Variants in SMAP1 observed in about 807,000 individuals in gnomAD.
The protein encoded by SMAP1 is stromal membrane-associated protein 1.
A neutral mutation model predicts 58.5 loss-of-function variants in SMAP1; 24 were observed. The ratio of observed to expected loss-of-function variants is 0.41; its 90% CI spans 0.30 to 0.58. The LOEUF (loss-of-function observed/expected upper bound fraction) is 0.58, where lower values mean the gene tolerates loss of function less well. Among genes scored for constraint, SMAP1 ranks in the 20% least tolerant of loss-of-function variants. The pLI is 0.29. For synonymous variants in SMAP1, 216 were observed against 196.6 expected, an observed-to-expected ratio of 1.10 and a Z score of -0.82; for missense variants, 563 against 566.3, an observed-to-expected ratio of 0.99 and a Z score of 0.06.
At chr6:70,827,794 T>A (rs188360386) in intron 6 of SMAP1, among the ~76,000 whole-genome samples, 1 of 152,352 alleles carries the variant, frequency 6.6e-6, no homozygotes, top group Admixed American at 6.5e-5. Context: ...GGCGGTAGTG[T>A]CCATAGGTCT....
chr6:70,669,534 T>C (rs1766176991), intron 1 of SMAP1, among the ~76,000 whole-genome samples: 1 of 152,224 alleles, frequency 6.6e-6, no homozygotes, highest in African/African-American at 2.4e-5. Flanking sequence ...TTTTACAAAG[T>C]CCGTGCCTGG....
intron 6 of SMAP1, among the ~76,000 whole-genome samples, chr6:70,818,475 C>T (rs1026338535): frequency 3.9e-5 from 6 of 152,028 alleles, no homozygotes; most frequent in Non-Finnish European, 5.9e-5. Context: ...TATTTGCAAG[C>T]AAAATAGAAT....
intron 3 of SMAP1, among the ~76,000 whole-genome samples, chr6:70,757,486 C>T (rs372499489): frequency 1.3e-5 from 2 of 151,916 alleles, no homozygotes; most frequent in Non-Finnish European, 2.9e-5. Flanking sequence ...AAAACACCAA[C>T]AGCAATGGCA....
intron 4 of SMAP1, among the ~76,000 whole-genome samples, chr6:70,791,380 A>G (rs1250220069): frequency 6.6e-6 from 1 of 152,196 alleles, no homozygotes; most frequent in Non-Finnish European, 1.5e-5. Flanking sequence ...AAGATGAACT[A>G]TGAGAGAAGC....
intron 6 of SMAP1, among the ~76,000 whole-genome samples, chr6:70,803,057 A>G (rs1201795866): frequency 6.6e-6 from 1 of 152,050 alleles, no homozygotes; most frequent in Non-Finnish European, 1.5e-5. Context: ...TTTTCTATTG[A>G]TTGGAATAGT....
intron 1 of SMAP1, among the ~76,000 whole-genome samples, chr6:70,695,487 A>G (rs1156574841): frequency 1.3e-5 from 2 of 152,080 alleles, no homozygotes; most frequent in Admixed American, 6.6e-5. Context: ...GGTTTCTATC[A>G]TAAAGGGATG....
intron 1 of SMAP1, among the ~76,000 whole-genome samples, chr6:70,728,664 G>A (rs1365206691): frequency 6.6e-6 from 1 of 152,140 alleles, no homozygotes; most frequent in Non-Finnish European, 1.5e-5. Context: ...TGCCTATTGT[G>A]GCACATTCTG....
intron 2 of SMAP1, among the ~76,000 whole-genome samples, chr6:70,753,158 G>A (rs1766346564): frequency 1.3e-5 from 2 of 150,942 alleles, no homozygotes; most frequent in South Asian, 2.1e-4. Context: ...TCCACTTTAC[G>A]GACCAATAAG....
chr6:70,821,694 A>C (rs1769898110), intron 6 of SMAP1, among the ~76,000 whole-genome samples: 1 of 152,210 alleles, frequency 6.6e-6, no homozygotes, highest in Non-Finnish European at 1.5e-5. Context: ...TACTTAACAG[A>C]AAGCAATAGC....
intron 4 of SMAP1, among the ~76,000 whole-genome samples, chr6:70,777,286 T>C (rs897933839): frequency 6.6e-6 from 1 of 152,214 alleles, no homozygotes; most frequent in Non-Finnish European, 1.5e-5. Flanking sequence ...ATCACCCGTC[T>C]TCTGCATCGT....
At chr6:70,687,171 A>G (rs1766969760) in intron 1 of SMAP1, among the ~76,000 whole-genome samples, 1 of 152,202 alleles carries the variant, frequency 6.6e-6, no homozygotes, top group Admixed American at 6.5e-5. Flanking sequence ...AGATTATAGA[A>G]TGTTTCCAGC....
intron 2 of SMAP1, among the ~76,000 whole-genome samples, chr6:70,734,302 T>C (rs748821321): frequency 5.3e-5 from 8 of 152,052 alleles, no homozygotes; most frequent in Non-Finnish European, 8.8e-5. Context: ...CGTGCCACCA[T>C]GTGTTGCTAA....
chr6:70,734,855 C>G (rs1765563161), intron 2 of SMAP1: 2 of 153,550 alleles, frequency 1.3e-5, no homozygotes, highest in African/African-American at 4.8e-5. Context: ...TAAGCATGGT[C>G]ATGGAAGATA....
chr6:70,676,958 A>T (rs959510474), intron 1 of SMAP1, among the ~76,000 whole-genome samples: 78 of 151,666 alleles, frequency 5.1e-4, no homozygotes, highest in Middle Eastern at 3.4e-3. Flanking sequence ...TTTAAAAAAA[A>T]TTTTTTTGTT....
At position 70,667,899 on chromosome 6, in the gene SMAP1, C is replaced by G; in HGVS notation, c.-125C>G. The G allele has an allele frequency of 1.4e-6, 1 of 710,528 alleles. No homozygotes were observed. The highest frequency in any genetic ancestry group is 2.2e-5 in the South Asian group (1 of 44,600). 44.0% of individuals were successfully genotyped at this position (710,528 alleles called of 1,614,324 possible). ...CCGCCCCTCCTCCCGTTCCAGCTGC[C>G]GCTGCCGCTTCCTGGGCTGAGTCCG... On this transcript the variant is annotated 5_prime_UTR_variant, in exon 1 of 11. Coordinates refer to ENST00000370455, the MANE Select transcript of SMAP1 (RefSeq NM_001044305.3).
At chr6:70,705,246 A>G (rs891991896) in intron 1 of SMAP1, among the ~76,000 whole-genome samples, 2 of 150,008 alleles carry the variant, frequency 1.3e-5, no homozygotes, top group African/African-American at 4.9e-5. Flanking sequence ...ATTTCAGTTC[A>G]TTATGATTTT....
intron 2 of SMAP1, among the ~76,000 whole-genome samples, chr6:70,738,457 GAAAAA>G (rs11306206): frequency 7.5e-6 from 1 of 132,826 alleles, no homozygotes; most frequent in Non-Finnish European, 1.6e-5. Flanking sequence ...TTTCTATTAA[GAAAAA>G]AAAAAAAAAA....
chr6:70,686,292 G>C (rs1766931944), intron 1 of SMAP1, among the ~76,000 whole-genome samples: 1 of 151,992 alleles, frequency 6.6e-6, no homozygotes, highest in Non-Finnish European at 1.5e-5. Context: ...ACATTTCATT[G>C]CTTGTTTTGT....
chr6:70,701,301 C>G, intron 1 of SMAP1, among the ~76,000 whole-genome samples: 1 of 151,822 alleles, frequency 6.6e-6, no homozygotes, highest in East Asian at 1.9e-4. Flanking sequence ...AAGCTTGTCT[C>G]GAACTCCTGA....
Sources: allele counts gnomAD v4.1 joint callset (sites outside exome capture counted in the v4.1 genomes callset), GRCh38; gene constraint gnomAD v4.1.1; transcripts MANE v1.5; gene names NCBI Gene and HGNC (gene_info 2026-07-23, HGNC 2026-07-21).